Variants in HECW2 observed in about 807,000 individuals in gnomAD.
HECW2 encodes E3 ubiquitin-protein ligase HECW2.
A neutral mutation model predicts 175.2 loss-of-function variants in HECW2; 61 were observed. The observed-to-expected ratio is 0.35, with a 90% CI of 0.28 to 0.43. The LOEUF (loss-of-function observed/expected upper bound fraction) is 0.43, where lower values mean the gene tolerates loss of function less well. Ranked by LOEUF, HECW2 falls within the 20% of genes least tolerant of loss-of-function variation. The pLI is 1.00. For synonymous variants in HECW2, 671 were observed against 731.0 expected, an observed-to-expected ratio of 0.92 and a Z score of 1.32; for missense variants, 1,524 against 2,000.5, an observed-to-expected ratio of 0.76 and a Z score of 4.54.
intron 1 of HECW2, among the ~76,000 whole-genome samples, chr2:196,544,393 G>A (rs1335647627): frequency 3.9e-5 from 6 of 152,136 alleles, no homozygotes; most frequent in Non-Finnish European, 8.8e-5. Flanking sequence ...CAGTGTGAAA[G>A]GGAAAGGAAG....
At chr2:196,292,525 C>G in intron 14 of HECW2, 40 bp downstream of exon 14, 1 of 1,568,884 alleles carries the variant, frequency 6.4e-7, no homozygotes, top group Non-Finnish European at 8.7e-7. Flanking sequence ...AAGCAGCCCA[C>G]AGGCATTTGG....
chr2:196,558,836 A>C (rs1436925102), intron 1 of HECW2, among the ~76,000 whole-genome samples: 1 of 152,224 alleles, frequency 6.6e-6, no homozygotes, highest in Non-Finnish European at 1.5e-5. Context: ...AAACTATCAG[A>C]AGCTACTTAA....
intron 2 of HECW2, among the ~76,000 whole-genome samples, chr2:196,405,739 C>T (rs1329954822): frequency 1.3e-5 from 2 of 152,188 alleles, no homozygotes; most frequent in Non-Finnish European, 2.9e-5. Flanking sequence ...CTCCAGTAGG[C>T]ATTCCCCATT....
chr2:196,439,669 C>T (rs1383189743), intron 1 of HECW2, among the ~76,000 whole-genome samples: 1 of 152,158 alleles, frequency 6.6e-6, no homozygotes, highest in South Asian at 2.1e-4. Flanking sequence ...ATTTAAGAAA[C>T]TTGGCCACAG....
intron 2 of HECW2, among the ~76,000 whole-genome samples, chr2:196,353,972 T>C (rs1049257457): frequency 1.1e-4 from 17 of 152,168 alleles, no homozygotes; most frequent in African/African-American, 3.6e-4. Context: ...CACCCTTCAA[T>C]TGTCAGTATG....
At chr2:196,229,214 T>C (rs967409444) in intron 21 of HECW2, among the ~76,000 whole-genome samples, 2 of 152,106 alleles carry the variant, frequency 1.3e-5, no homozygotes, top group Non-Finnish European at 2.9e-5. Context: ...GAGGAGGGAT[T>C]GTGAAAGACT....
At chr2:196,474,357 T>G (rs1697334100) in intron 1 of HECW2, among the ~76,000 whole-genome samples, 6 of 152,242 alleles carry the variant, frequency 3.9e-5, no homozygotes, top group Admixed American at 3.3e-4. Context: ...GCTACCATAA[T>G]GGCTTGCATT....
intron 1 of HECW2, among the ~76,000 whole-genome samples, chr2:196,501,384 T>A (rs1253962660): frequency 6.6e-6 from 1 of 152,102 alleles, no homozygotes; most frequent in Non-Finnish European, 1.5e-5. Flanking sequence ...CCCAGCTGAT[T>A]TTTGTATTTT....
chr2:196,487,473 G>A (rs1687048471), intron 1 of HECW2, among the ~76,000 whole-genome samples: 1 of 152,114 alleles, frequency 6.6e-6, no homozygotes, highest in Admixed American at 6.6e-5. Context: ...CTGGGAAAAT[G>A]TAACCTTATC....
intron 1 of HECW2, among the ~76,000 whole-genome samples, chr2:196,575,449 A>G (rs34696835): frequency 0.022 from 3,311 of 152,252 alleles, 62 homozygotes; most frequent in Middle Eastern, 0.044. Context: ...TCTCAAAAAG[A>G]CATCCGCACT....
rs183166153 is a variant in HECW2, at chr2:196,313,752, G to A, written c.2434+3522C>T. Among the ~76,000 whole-genome samples the A allele has an allele frequency of 5.8e-3, 876 of 152,170 alleles. 8 individuals carry two copies. The highest frequency in any genetic ancestry group is 0.02 in the Middle Eastern group (6 of 294). ...AGAACAACAATAATAATGATAAAGA[G>A]AAAGAAAAAAGAATCAAAGCCAGAC... On this transcript the variant is annotated intron_variant, in intron 10 of 28. Coordinates refer to ENST00000644978, the MANE Select transcript of HECW2 (RefSeq NM_001348768.2).
chr2:196,392,824 C>CA (rs1310351651), intron 2 of HECW2, among the ~76,000 whole-genome samples: 2 of 151,920 alleles, frequency 1.3e-5, no homozygotes, highest in Non-Finnish European at 2.9e-5. Context: ...CATATGGAAC[C>CA]AAAAAAGAGC....
chr2:196,417,914 GA>G (rs1334989002), intron 2 of HECW2, among the ~76,000 whole-genome samples: 2 of 151,424 alleles, frequency 1.3e-5, no homozygotes, highest in Non-Finnish European at 2.9e-5. Flanking sequence ...TACACTTAAA[GA>G]AAAAAAACCC....
chr2:196,383,135 C>T (rs1397876609), intron 2 of HECW2, among the ~76,000 whole-genome samples: 6 of 152,110 alleles, frequency 3.9e-5, no homozygotes, highest in Non-Finnish European at 2.9e-5. Context: ...GTTAATTGAC[C>T]AGGCCACCTG....
At chr2:196,387,372 C>G (rs1054149866) in intron 2 of HECW2, among the ~76,000 whole-genome samples, 1 of 152,066 alleles carries the variant, frequency 6.6e-6, no homozygotes, top group Non-Finnish European at 1.5e-5. Context: ...TAATTAGCAT[C>G]CTTATAAAAG....
intron 21 of HECW2, chr2:196,239,705 CA>C (rs1688379335): frequency 6.6e-6 from 1 of 152,106 alleles, no homozygotes; most frequent in Non-Finnish European, 1.5e-5. Flanking sequence ...GACTTGAACC[CA>C]GACCTGAAAT....
Position 196,447,737 on chromosome 2 carries a change from A to C in HECW2, c.-35-14279T>G, listed in dbSNP as rs77095455. On this transcript the variant is annotated intron_variant, in intron 1 of 28. Coordinates refer to ENST00000644978, the MANE Select transcript of HECW2 (RefSeq NM_001348768.2). ...GCTATCACACAGTTTTCTTGAAAAA[A>C]ATGAATTATCCCAACCCTCTAAAAG... Among the ~76,000 whole-genome samples the C allele has an allele frequency of 5.6e-3, 858 of 152,258 alleles. 10 individuals carry two copies. Among genetic ancestry groups the C allele is most frequent in the African/African-American group, 0.019 (809 of 41,554 alleles).
chr2:196,316,414 G>C (rs1453625849), intron 10 of HECW2: 1 of 152,138 alleles, frequency 6.6e-6, no homozygotes. Context: ...TCAGCCTGTT[G>C]TCATGGTCAC....
rs1185137342 is a variant in HECW2 at position 196,222,079 on chromosome 2, G to A, written c.4146+132C>T. ...ATAACTGCGGTTATTATAACTGTGT[G>A]TGATCCTGAGTTTAAATCACCCAAT... On this transcript the variant is annotated intron_variant, in intron 24 of 28. Transcript: ENST00000644978. The A allele has an allele frequency of 1.6e-5, 11 of 695,712 alleles. No homozygotes were observed. The African/African-American group carries it at 1.8e-4, about 11-fold the overall frequency. The allele number at this position is 695,712 out of a possible 1,614,324, so 43.1% of individuals were successfully genotyped here.
Sources: gnomAD v4.1 joint callset for allele counts (sites outside exome capture counted in the v4.1 genomes callset) on GRCh38, gnomAD v4.1.1 for gene constraint, MANE v1.5 for transcripts, NCBI Gene and HGNC (gene_info 2026-07-23, HGNC 2026-07-21) for gene names.